Variants in FBXO34 observed in about 807,000 individuals in gnomAD.
The protein encoded by FBXO34 is F-box protein 34.
Under a neutral mutation model 24.5 loss-of-function variants are expected in FBXO34, and 12 were observed. The ratio of observed to expected loss-of-function variants is 0.49; its 90% CI spans 0.31 to 0.79. The LOEUF is 0.79. Among genes scored for constraint, FBXO34 ranks in the 30% least tolerant of loss-of-function variants. The pLI, the probability that FBXO34 is intolerant of heterozygous loss-of-function variation, is 0.04. For missense variants in FBXO34, 823 were observed against 857.7 expected, an observed-to-expected ratio of 0.96 and a Z score of 0.51; for synonymous variants, 320 against 311.9, an observed-to-expected ratio of 1.03 and a Z score of -0.27.
At chr14:55,431,981 G>T in the FBXO34 span, among the ~76,000 whole-genome samples, 13 of 151,916 alleles carry the variant, frequency 8.6e-5, no homozygotes, top group Admixed American at 2.6e-4. Context: ...ACCTGAAAAA[G>T]ACCAAAAAAT....
At chr14:55,349,356 CT>C (rs1884262438) in intron 1 of FBXO34, among the ~76,000 whole-genome samples, 2 of 152,202 alleles carry the variant, frequency 1.3e-5, no homozygotes, top group South Asian at 2.1e-4. Flanking sequence ...ATCTCTACCC[CT>C]GGCCAAGGAC....
chr14:55,327,387 A>G (rs1883373778), intron 1 of FBXO34, among the ~76,000 whole-genome samples: 1 of 152,166 alleles, frequency 6.6e-6, no homozygotes, highest in Non-Finnish European at 1.5e-5. Flanking sequence ...CTTTTATAAG[A>G]TCACTCTGCC....
At chr14:55,313,510 A>G (rs568236124) in intron 1 of FBXO34, among the ~76,000 whole-genome samples, 1 of 152,298 alleles carries the variant, frequency 6.6e-6, no homozygotes, top group Non-Finnish European at 1.5e-5. Flanking sequence ...CTTGATATCA[A>G]TTTACTGTAT....
At chr14:55,320,702 A>G (rs10131913) in intron 1 of FBXO34, among the ~76,000 whole-genome samples, 84,841 of 152,064 alleles carry the variant, frequency 0.56, 26,696 homozygotes, top group African/African-American at 0.87. Context: ...AGCTTGCGGT[A>G]AGTCGAGATC....
intron 1 of FBXO34, among the ~76,000 whole-genome samples, chr14:55,345,290 A>G (rs947216143): frequency 6.6e-6 from 1 of 152,186 alleles, no homozygotes; most frequent in Non-Finnish European, 1.5e-5. Context: ...GTCAGTAGTT[A>G]GAAACCTTCT....
the FBXO34 span, among the ~76,000 whole-genome samples, chr14:55,424,838 A>G: frequency 6.6e-6 from 1 of 152,186 alleles, no homozygotes; most frequent in African/African-American, 2.4e-5. Flanking sequence ...TGGCCACTCC[A>G]TGGAGCGAAA....
At chr14:55,429,112 A>C in the FBXO34 span, 1 of 1,049,698 alleles carries the variant, frequency 9.5e-7, no homozygotes, top group South Asian at 1.7e-5. Context: ...TGTGAGGAGG[A>C]CTTACTTCCC....
intron 1 of FBXO34, among the ~76,000 whole-genome samples, chr14:55,288,964 T>C (rs549123604): frequency 5.9e-5 from 9 of 152,188 alleles, no homozygotes; most frequent in African/African-American, 1.9e-4. Flanking sequence ...GGCAGGAGAA[T>C]CGCTTGAACC....
chr14:55,340,478 C>T (rs923482695), intron 1 of FBXO34, among the ~76,000 whole-genome samples: 13 of 151,236 alleles, frequency 8.6e-5, no homozygotes, highest in Non-Finnish European at 1.8e-4. Flanking sequence ...AACTTTTGTG[C>T]TCAAGTGATC....
At chr14:55,438,123 C>T in the FBXO34 span, among the ~76,000 whole-genome samples, 10 of 152,162 alleles carry the variant, frequency 6.6e-5, no homozygotes, top group Non-Finnish European at 1.3e-4. Flanking sequence ...TTGAGCACTG[C>T]TTGCAGGAGA....
chr14:55,319,001 C>G (rs899694949), intron 1 of FBXO34, among the ~76,000 whole-genome samples: 1 of 152,138 alleles, frequency 6.6e-6, no homozygotes, highest in South Asian at 2.1e-4. Context: ...ACTAAGTTCT[C>G]CTTTGTCTAT....
intron 1 of FBXO34, among the ~76,000 whole-genome samples, chr14:55,293,571 T>C (rs1477751934): frequency 1.3e-5 from 2 of 152,018 alleles, no homozygotes; most frequent in African/African-American, 4.8e-5. Context: ...GTCTCACTTA[T>C]CTGGAGGTAA....
chr14:55,396,114 T>A, the FBXO34 span: 1 of 604,652 alleles, frequency 1.7e-6, no homozygotes, highest in Non-Finnish European at 2.6e-6. Context: ...ACTTAGCATT[T>A]AAAGTGTTTT....
At chr14:55,275,476 TG>T (rs2139622638) in intron 1 of FBXO34, among the ~76,000 whole-genome samples, 1 of 152,164 alleles carries the variant, frequency 6.6e-6, no homozygotes, top group East Asian at 1.9e-4. Flanking sequence ...AACATTGCCT[TG>T]CTATGATGGG....
Position 55,352,174 on chromosome 14 carries a change from T to G in FBXO34, c.1784T>G (p.Leu595Ter). The change falls in exon 2 of 2, where the codon TTA becomes TGA. Residue 595 changes from leucine to a stop codon, truncating the protein, a stop_gained. Transcript: ENST00000313833. LOFTEE classifies it high-confidence loss of function. ...KIFRLLPTKS[L>*]VALKCTCCYF... ...TTCAGGTTACTTCCCACCAAGAGTTTAGTGGCCCTTAAATGTACCTGCTGC... is the reference window on the plus strand; with the variant it reads ...TTCAGGTTACTTCCCACCAAGAGTTGAGTGGCCCTTAAATGTACCTGCTGC... 1 of 1,614,152 alleles carries G rather than the reference T, an allele frequency of 6.2e-7. No homozygotes were observed. Among genetic ancestry groups the G allele is most frequent in the Non-Finnish European group, 8.5e-7 (1 of 1,180,008 alleles).
At chr14:55,338,215 A>C (rs894235974) in intron 1 of FBXO34, among the ~76,000 whole-genome samples, 1 of 151,418 alleles carries the variant, frequency 6.6e-6, no homozygotes, top group Admixed American at 6.6e-5. Flanking sequence ...ACACCCAGCT[A>C]ATTTTTTGTA....
At chr14:55,369,622 A>C (rs1387236290), downstream of FBXO34, 11 of 1,514,922 alleles carry the variant, frequency 7.3e-6, no homozygotes, top group Non-Finnish European at 9.7e-6. Context: ...ATGCTCGTTA[A>C]CGGTGTCCAG....
chr14:55,310,955 AAC>A (rs1491537640), intron 1 of FBXO34, among the ~76,000 whole-genome samples: 11 of 149,978 alleles, frequency 7.3e-5, no homozygotes, highest in African/African-American at 2.5e-4. Context: ...GAAAAAAAAA[AAC>A]ATCCAACCTG....
At chr14:55,379,865 C>T in the FBXO34 span, among the ~76,000 whole-genome samples, 3 of 152,136 alleles carry the variant, frequency 2.0e-5, no homozygotes, top group Admixed American at 1.3e-4. Flanking sequence ...GGGATACAGG[C>T]GCAGGCCACC....
Sources: allele counts gnomAD v4.1 joint callset (sites outside exome capture counted in the v4.1 genomes callset), GRCh38; gene constraint gnomAD v4.1.1; transcripts MANE v1.5; gene names NCBI Gene and HGNC (gene_info 2026-07-23, HGNC 2026-07-21).